Variants in TNS2 observed in about 807,000 individuals in gnomAD.
TNS2 encodes the protein tensin-2.
A neutral mutation model predicts 155.7 loss-of-function variants in TNS2; 77 were observed. That is an observed-to-expected ratio of 0.49 (90% CI 0.41 to 0.60). TNS2 has a LOEUF of 0.60. TNS2 is among the 20% of genes least tolerant of loss of function. TNS2 has a pLI of 0.00. For synonymous variants in TNS2, 726 were observed against 763.9 expected (o/e 0.95, Z 0.82); for missense variants, 1,703 against 1,868.8 (o/e 0.91, Z 1.64).
In TNS2 at chr12:53,055,200, A is replaced by G. The variant is rs749623043; in HGVS notation, c.537A>G (p.Ser179=). 1.1e-5 allele frequency: 17 copies of G among 1,613,958 alleles called. No individual in the cohort carries two copies. The East Asian group carries it at 2.9e-4, about 28-fold the overall frequency. ...CTTTATTTCAGCTCTTCAACCTTTC[A>G]GAGAAAAGGCATGACCTGACCCGCT... ...HRDKYLLFNL[S]EKRHDLTRLN... Residue 179 remains serine, a synonymous_variant, in exon 8 of 29, where the codon TCA becomes TCG. Coordinates refer to ENST00000314250, the MANE Select transcript of TNS2 (RefSeq NM_170754.4).
chr12:53,053,989 T>G lies in TNS2; in HGVS notation c.325T>G (p.Ser109Ala), dbSNP rs1944035414. The change falls in exon 6 of 29, where the codon TCA becomes GCA. Residue 109 changes from serine (S) to alanine (A), a missense_variant. Coordinates refer to ENST00000314250, the MANE Select transcript of TNS2 (RefSeq NM_170754.4). ...HLGSTKSLNH[S>A]KQRSTLPRSF... ...GGGATCCACCAAATCTCTGAACCAC[T>G]CAAAGCAGCGCAGCACTCTGCCCAG... 6.2e-7 allele frequency: 1 copy of G among 1,614,066 alleles called. No individual in the cohort carries two copies. Among genetic ancestry groups the G allele is most frequent in the East Asian group, 2.2e-5 (1 of 44,872 alleles).
chr12:53,058,870 G>T, intron 17 of TNS2, 43 bp downstream of exon 17: 1 of 1,598,852 alleles, frequency 6.3e-7, no homozygotes, highest in South Asian at 1.1e-5. Flanking sequence ...GGGTTGTGGC[G>T]GGACCCTGGG....
intron 3 of TNS2, among the ~76,000 whole-genome samples, chr12:53,052,807 T>TGGGGAGGGGGGGGGGGGGGG (rs1943989139): frequency 3.5e-5 from 1 of 28,466 alleles, no homozygotes; most frequent in Non-Finnish European, 7.2e-5. Context: ...GTGGGGTGGG[T>TGGGGAGGGGGGGGGGGGGGG]GGGGAGTGGG....
At chr12:53,057,900 C>G in intron 13 of TNS2, 67 bp downstream of exon 13, 1 of 1,610,988 alleles carries the variant, frequency 6.2e-7, no homozygotes, top group Non-Finnish European at 8.5e-7. Context: ...TGCATTCCTG[C>G]TTCTCCAGCC....
Position 53,063,524 on chromosome 12 carries a change from C to G in TNS2, c.4062-39C>G, listed in dbSNP as rs1482195497. 6.2e-7 allele frequency: 1 copy of G among 1,613,110 alleles called. No individual in the cohort carries two copies. The highest frequency in any genetic ancestry group is 8.5e-7 in the Non-Finnish European group (1 of 1,179,886). On this transcript the variant is annotated intron_variant, in intron 27 of 28. Coordinates refer to ENST00000314250, the MANE Select transcript of TNS2 (RefSeq NM_170754.4). This position sits in a 1 kb window ranked among gnomAD's most constrained non-coding sequence, Gnocchi z 5.6. The stretch of plus-strand genomic sequence containing the variant: ...CCCCGGCCCCCCTTCAGCAGCTGTC[C>G]CCTGGGGTGTGCATCTTCACCTTCT...
chr12:53,058,066 C>T lies in TNS2; in HGVS notation c.1059C>T (p.Ser353=), dbSNP rs1404158302. The change falls in exon 14 of 29, where the codon AGC becomes AGT. Residue 353 remains serine (S), a synonymous_variant. Coordinates refer to ENST00000314250, the MANE Select transcript of TNS2 (RefSeq NM_170754.4). ...CTGGTCCCCAGCAGCTTTGCATCAG[C>T]CTGGAGCCAGCCCTCCTCCTCAAAG... ...AGPGPQQLCI[S]LEPALLLKGD... 5.0e-6 allele frequency: 8 copies of T among 1,614,150 alleles called. No individual in the cohort carries two copies. In the South Asian group the frequency reaches 7.7e-5, roughly 16 times the overall value.
In TNS2 at chr12:53,051,331, C is replaced by T. The variant is rs566295662; in HGVS notation, c.76-524C>T. Reference sequence around the variant, plus strand: ...CAATGAGTAAACATGTTGTTCTGACCGTGGGGGAGGAGGGCATGTCAGCTG... The same window carrying T: ...CAATGAGTAAACATGTTGTTCTGACTGTGGGGGAGGAGGGCATGTCAGCTG... On this transcript the variant is annotated intron_variant, in intron 1 of 28. Coordinates refer to ENST00000314250, the MANE Select transcript of TNS2 (RefSeq NM_170754.4). Among the ~76,000 whole-genome samples, 13 of 152,214 alleles carry T rather than the reference C, an allele frequency of 8.5e-5. No homozygotes were observed. In the South Asian group the frequency reaches 2.3e-3, roughly 27 times the overall value.
chr12:53,053,835 G>A, intron 5 of TNS2, 23 bp downstream of exon 5: 1 of 1,613,638 alleles, frequency 6.2e-7, no homozygotes, highest in Non-Finnish European at 8.5e-7. Flanking sequence ...TGGAGCAGGA[G>A]GGGGAAGCAG....
rs780084298 is a variant in TNS2 at position 53,062,263 on chromosome 12, G to A, written c.3667+18G>A. 3 of 1,613,482 alleles carry A rather than the reference G, an allele frequency of 1.9e-6. No homozygotes were observed. The African/African-American group carries it at 4.0e-5, about 22-fold the overall frequency. The stretch of plus-strand genomic sequence containing the variant: ...CTACTTTGGTGAGAAGCAGGAGCCT[G>A]GGGAAGGCTACGTTGGGTCGGTTTA... On this transcript the variant is annotated intron_variant, in intron 23 of 28. Coordinates refer to ENST00000314250, the MANE Select transcript of TNS2 (RefSeq NM_170754.4).
chr12:53,061,875 T>G lies in TNS2; in HGVS notation c.3509T>G (p.Phe1170Cys). 6.2e-7 allele frequency: 1 copy of G among 1,613,768 alleles called. No individual in the cohort carries two copies. Among genetic ancestry groups the G allele is most frequent in the Non-Finnish European group, 8.5e-7 (1 of 1,180,002 alleles). ...TTCCTGATCAGGGACAGTCATTCAT[T>G]CCAAGGAGCTTATGGGCTGGCCCTC... ...GAFLIRDSHS[F>C]QGAYGLALKV... is the part of the protein sequence containing the mutation. Residue 1170 changes from phenylalanine to cysteine, a missense_variant, in exon 22 of 29, where the codon TTC (phenylalanine) becomes TGC (cysteine). Transcript: ENST00000314250.
In TNS2 at chr12:53,063,823, C is replaced by G; in HGVS notation, c.4171C>G (p.Gln1391Glu). Residue 1391 changes from glutamine to glutamate, a missense_variant, in exon 29 of 29, where the codon CAG becomes GAG. Gln to Glu is a conservative substitution (Grantham distance 29, BLOSUM62 2). Coordinates refer to ENST00000314250, the MANE Select transcript of TNS2 (RefSeq NM_170754.4). The surrounding 1 kb of genome is among the most constrained non-coding windows in gnomAD (Gnocchi z 5.6). ...CHLFAELDPD[Q>E]PAGAIVTFIT... ...CCTCTTTGCAGAGCTTGACCCAGAT[C>G]AGCCTGCTGGCGCCATTGTCACCTT... 6.2e-7 allele frequency: 1 copy of G among 1,614,162 alleles called. No homozygotes were observed. Among genetic ancestry groups the G allele is most frequent in the Non-Finnish European group, 8.5e-7 (1 of 1,180,014 alleles).
At chr12:53,049,260 G>T (rs1196200751), upstream of TNS2, 2 of 1,604,500 alleles carry the variant, frequency 1.2e-6, no homozygotes, top group Non-Finnish European at 8.5e-7. Flanking sequence ...TAGTACTCAG[G>T]CTTCGGGGTT....
Position 53,058,081 on chromosome 12 carries a change from C to T in TNS2, c.1074C>T (p.Leu358=). The part of the protein sequence containing the change: ...QQLCISLEPA[L]LLKGDVMVTC... Reference sequence around the variant, plus strand: ...TTTGCATCAGCCTGGAGCCAGCCCTCCTCCTCAAAGGCGATGTCATGGTGA... The same window carrying T: ...TTTGCATCAGCCTGGAGCCAGCCCTTCTCCTCAAAGGCGATGTCATGGTGA... The change falls in exon 14 of 29, where the codon CTC becomes CTT. Residue 358 remains leucine (L), a synonymous_variant. Coordinates refer to ENST00000314250, the MANE Select transcript of TNS2 (RefSeq NM_170754.4). The T allele has an allele frequency of 6.2e-7, 1 of 1,614,200 alleles. No homozygotes were observed. Among genetic ancestry groups the T allele is most frequent in the Non-Finnish European group, 8.5e-7 (1 of 1,180,048 alleles).
In TNS2 at chr12:53,063,414, G is replaced by A. The variant is rs146077357; in HGVS notation, c.4058G>A (p.Arg1353Gln). The A allele has an allele frequency of 8.2e-5, 133 of 1,613,866 alleles. 1 individual carries two copies. In the African/African-American group the frequency reaches 1.3e-3, roughly 16 times the overall value. ...TTCTCCAGCACTGACCCTCAAGACC[G>A]GAGGTGACTCTCCCTCCAAACCCTT... is the stretch of plus-strand genomic sequence containing the variant. ...ITFSSTDPQDRRWTNPDGTTS... is the reference protein window; with the variant it reads ...ITFSSTDPQDQRWTNPDGTTS... The change falls in exon 27 of 29, where the codon CGG becomes CAG. Residue 1353 changes from arginine to glutamine, a missense_variant. Coordinates refer to ENST00000314250, the MANE Select transcript of TNS2 (RefSeq NM_170754.4). The surrounding 1 kb of genome is among the most constrained non-coding windows in gnomAD (Gnocchi z 5.6).
In TNS2 at chr12:53,059,517, T is replaced by C. The variant is rs768032789; in HGVS notation, c.1876T>C (p.Tyr626His). The C allele has an allele frequency of 6.3e-7, 1 of 1,582,716 alleles. No homozygotes were observed. Among genetic ancestry groups the C allele is most frequent in the Non-Finnish European group, 8.6e-7 (1 of 1,167,042 alleles). Reference protein sequence around the residue: ...LERRRLAYGGYEGSPQGYAEA... With the variant: ...LERRRLAYGGHEGSPQGYAEA... Reference sequence around the variant, plus strand: ...GAGGAGGCGACTGGCCTACGGGGGCTATGAGGGATCCCCCCAGGGCTACGC... The same window carrying C: ...GAGGAGGCGACTGGCCTACGGGGGCCATGAGGGATCCCCCCAGGGCTACGC... Residue 626 changes from tyrosine (Y) to histidine (H), a missense_variant, in exon 18 of 29, where the codon TAT becomes CAT. Physicochemically the swap from Tyr to His is moderately conservative, Grantham distance 83 (BLOSUM62 2). Transcript: ENST00000314250. This position sits in a 1 kb window ranked among gnomAD's most constrained non-coding sequence, Gnocchi z 4.7.
In TNS2 at chr12:53,061,130, A is replaced by G. The variant is rs1944369711; in HGVS notation, c.3224A>G (p.Glu1075Gly). 6.2e-7 allele frequency: 1 copy of G among 1,610,362 alleles called. No individual in the cohort carries two copies. Among genetic ancestry groups the G allele is most frequent in the Non-Finnish European group, 8.5e-7 (1 of 1,178,330 alleles). Residue 1075 changes from glutamate (E) to glycine (G), a missense_variant, in exon 20 of 29, where the codon GAG (glutamate) becomes GGG (glycine). Glu to Gly is a moderately conservative substitution (Grantham distance 98). Transcript: ENST00000314250. ...GGCCTTAGCCAGCCCCCACTTCCTG[A>G]GAAACGCCACCTGCCCGGGCCGGGG... ...TNGLSQPPLP[E>G]KRHLPGPGQQ... is the part of the protein sequence containing the mutation.
rs750469641 is a variant in TNS2 at position 53,062,214 on chromosome 12, G to C, written c.3636G>C (p.Lys1212Asn). Residue 1212 changes from lysine to asparagine, a missense_variant, in exon 23 of 29, where the codon AAG (lysine) becomes AAC (asparagine). Physicochemically the swap from Lys to Asn is moderately conservative, Grantham distance 94. Transcript: ENST00000314250. The part of the protein sequence containing the change: ...FLIETGPKGV[K>N]IKGCPSEPYF... ...TCGAGACTGGGCCCAAAGGGGTGAA[G>C]ATCAAGGGCTGCCCCAGTGAGCCCT... The C allele has an allele frequency of 1.9e-6, 3 of 1,614,132 alleles. No individual in the cohort carries two copies. The highest frequency in any genetic ancestry group is 2.5e-6 in the Non-Finnish European group (3 of 1,180,008).
chr12:53,053,203 C>T (rs1345644779), intron 3 of TNS2: 14 of 602,600 alleles, frequency 2.3e-5, no homozygotes, highest in African/African-American at 6.0e-5. Context: ...GGGGGCTGAG[C>T]GCCAAGAGCA....
In TNS2 at chr12:53,058,811, C is replaced by G; in HGVS notation, c.1389C>G (p.His463Gln). Residue 463 changes from histidine to glutamine, a missense_variant, in exon 17 of 29, where the codon CAC becomes CAG. His to Gln is a conservative substitution (Grantham distance 24). Transcript: ENST00000314250. Reference sequence around the variant, plus strand: ...CCTATGAGAACTTCAACCAGCACCACGAGGACAGTGTGGATGGTGCGCAGG... The same window carrying G: ...CCTATGAGAACTTCAACCAGCACCAGGAGGACAGTGTGGATGGTGCGCAGG... ...WDSYENFNQH[H>Q]EDSVDGSLTH... 6.2e-7 allele frequency: 1 copy of G among 1,613,684 alleles called. No individual in the cohort carries two copies.
Sources: gnomAD v4.1 joint callset for allele counts (sites outside exome capture counted in the v4.1 genomes callset) on GRCh38, gnomAD v4.1.1 for gene constraint, Gnocchi (gnomAD v3.1) non-coding constraint, MANE v1.5 for transcripts, NCBI Gene and HGNC (gene_info 2026-07-23, HGNC 2026-07-21) for gene names.